The following LAPTM4A variants were observed in gnomAD, a reference collection of about 807,000 sequenced individuals.
LAPTM4A encodes the protein lysosomal-associated transmembrane protein 4A.
Under a neutral mutation model 29.9 loss-of-function variants are expected in LAPTM4A, and 19 were observed. That is an observed-to-expected ratio of 0.64 (90% CI 0.44 to 0.93). The LOEUF (loss-of-function observed/expected upper bound fraction) is 0.93. LAPTM4A is among the 40% of genes least tolerant of loss of function. LAPTM4A has a pLI of 0.00. For missense variants in LAPTM4A, 293 were observed against 288.5 expected (o/e 1.02, Z -0.11); for synonymous variants, 105 against 102.1 (o/e 1.03, Z -0.17).
intron 2 of LAPTM4A, among the ~76,000 whole-genome samples, chr2:20,039,537 T>C (rs1415330840): frequency 6.6e-6 from 1 of 152,026 alleles, no homozygotes. Flanking sequence ...GAGGGTCCCT[T>C]GAAGCCGGGA....
chr2:20,048,978 T>G (rs1673997682), intron 1 of LAPTM4A, among the ~76,000 whole-genome samples: 1 of 152,222 alleles, frequency 6.6e-6, no homozygotes, highest in South Asian at 2.1e-4. Context: ...CTTTTGAAAG[T>G]CATCAACAAA....
At chr2:20,042,438 T>C (rs981812327) in intron 1 of LAPTM4A, among the ~76,000 whole-genome samples, 11 of 152,234 alleles carry the variant, frequency 7.2e-5, no homozygotes, top group Non-Finnish European at 1.5e-5. Context: ...TTCTTGCCTA[T>C]GAAGATTTTC....
At chr2:20,033,731 T>A (rs1317190530) in intron 6 of LAPTM4A, among the ~76,000 whole-genome samples, 2 of 152,186 alleles carry the variant, frequency 1.3e-5, no homozygotes, top group African/African-American at 4.8e-5. Flanking sequence ...TATCATGTCT[T>A]CGAGGGTAAC....
chr2:20,044,299 T>A (rs1264478561), intron 1 of LAPTM4A, among the ~76,000 whole-genome samples: 1 of 152,224 alleles, frequency 6.6e-6, no homozygotes, highest in East Asian at 1.9e-4. Flanking sequence ...GAAATCAGTT[T>A]GAAATCAATT....
intron 1 of LAPTM4A, among the ~76,000 whole-genome samples, chr2:20,046,131 G>C (rs992122470): frequency 6.6e-5 from 10 of 152,114 alleles, no homozygotes; most frequent in Admixed American, 1.3e-4. Flanking sequence ...CTCATAGGTG[G>C]GAACTGAACA....
At chr2:20,038,228 CACCCTGGTATCTATGTTA>C (rs2103496477) in intron 2 of LAPTM4A, among the ~76,000 whole-genome samples, 1 of 152,322 alleles carries the variant, frequency 6.6e-6, no homozygotes, top group East Asian at 1.9e-4. Flanking sequence ...TTGCTTCCTG[CACCCTGGTATCTATGTTA>C]ACACACACTA....
intron 2 of LAPTM4A, among the ~76,000 whole-genome samples, chr2:20,040,369 T>C (rs1673768282): frequency 6.6e-6 from 1 of 152,226 alleles, no homozygotes; most frequent in Non-Finnish European, 1.5e-5. Flanking sequence ...GAAAAACCCA[T>C]CAAAATACTT....
chr2:20,039,964 T>C (rs986700451), intron 2 of LAPTM4A, among the ~76,000 whole-genome samples: 1 of 152,052 alleles, frequency 6.6e-6, no homozygotes, highest in Non-Finnish European at 1.5e-5. Flanking sequence ...GAGAATCGCT[T>C]GAACCCAGGA....
Position 20,037,401 on chromosome 2 carries a change from C to A in LAPTM4A, c.347G>T (p.Arg116Leu). Residue 116 changes from arginine (R) to leucine (L), a missense_variant, in exon 4 of 7, where the codon CGA becomes CTA. Transcript: ENST00000175091. ...GCAACTGAGGACGAAGTCAAAAAGT[C>A]GGTAACAGAAGAATGGAATCAGCCA... ...VGWLIPFFCY[R>L]LFDFVLSCLV... The A allele has an allele frequency of 6.2e-7, 1 of 1,612,158 alleles. No homozygotes were observed. Among genetic ancestry groups the A allele is most frequent in the Admixed American group, 1.7e-5 (1 of 59,582 alleles).
In LAPTM4A at chr2:20,033,098, C is replaced by T; in HGVS notation, c.*107G>A. ...TGAAAATAAATGCTTAAACAAAAGA[C>T]AACATATTTTATATCAAACAAGTTT... On this transcript the variant is annotated 3_prime_UTR_variant, in exon 7 of 7. Coordinates refer to ENST00000175091, the MANE Select transcript of LAPTM4A (RefSeq NM_014713.5). 1 of 896,230 alleles carries T rather than the reference C, an allele frequency of 1.1e-6. No individual in the cohort carries two copies. Among genetic ancestry groups the T allele is most frequent in the Non-Finnish European group, 1.8e-6 (1 of 550,548 alleles). The allele number at this position is 896,230 out of a possible 1,614,324, so 55.5% of individuals were successfully genotyped here.
intron 1 of LAPTM4A, among the ~76,000 whole-genome samples, chr2:20,047,059 T>C (rs1173626022): frequency 1.3e-5 from 2 of 151,834 alleles, no homozygotes; most frequent in Non-Finnish European, 2.9e-5. Flanking sequence ...CTTTTGCAGG[T>C]GCACCGTGAG....
intron 4 of LAPTM4A, among the ~76,000 whole-genome samples, chr2:20,036,462 C>G (rs984678464): frequency 1.3e-5 from 2 of 152,226 alleles, no homozygotes; most frequent in African/African-American, 2.4e-5. Context: ...CTGTCAACTT[C>G]CTGATTCCTT....
intron 1 of LAPTM4A, among the ~76,000 whole-genome samples, chr2:20,048,706 T>C (rs138781163): frequency 2.0e-4 from 30 of 152,328 alleles, no homozygotes; most frequent in Admixed American, 3.9e-4. Flanking sequence ...GACTGAATTA[T>C]TGCCTCACCA....
intron 1 of LAPTM4A, 63 bp downstream of exon 1, chr2:20,051,347 C>A (rs931280767): frequency 5.8e-6 from 6 of 1,037,462 alleles, no homozygotes; most frequent in Non-Finnish European, 8.9e-6. Context: ...AGTCTCACCC[C>A]CTCCGCACCA....
At chr2:20,041,921 T>C (rs112682169) in intron 1 of LAPTM4A, among the ~76,000 whole-genome samples, 1 of 152,354 alleles carries the variant, frequency 6.6e-6, no homozygotes, top group African/African-American at 2.4e-5. Context: ...CTGTGTTCTC[T>C]AGAATAGACA....
chr2:20,051,350 C>T, intron 1 of LAPTM4A, 60 bp downstream of exon 1: 1 of 1,016,978 alleles, frequency 9.8e-7, no homozygotes, highest in Non-Finnish European at 1.5e-6. Context: ...CTCACCCCCT[C>T]CGCACCAGGC....
chr2:20,034,535 T>C (rs909504437), intron 5 of LAPTM4A, 120 bp from the exon 6 acceptor site: 4 of 721,338 alleles, frequency 5.5e-6, no homozygotes, highest in Non-Finnish European at 9.9e-6. Flanking sequence ...AGCTGACCTC[T>C]GTGTGGACCC....
At chr2:20,051,301 C>T (rs1572402497) in intron 1 of LAPTM4A, 109 bp downstream of exon 1, 13 of 738,732 alleles carry the variant, frequency 1.8e-5, no homozygotes, top group Non-Finnish European at 2.6e-5. Flanking sequence ...AAGCAGCGCC[C>T]CTCCAAGTCC....
intron 3 of LAPTM4A, 34 bp downstream of exon 3, chr2:20,037,504 C>A: frequency 6.2e-7 from 1 of 1,601,604 alleles, no homozygotes. Context: ...CCCCTAAGGT[C>A]AAACTCTAAA....
Sources: gnomAD v4.1 joint callset for allele counts (sites outside exome capture counted in the v4.1 genomes callset) on GRCh38, gnomAD v4.1.1 for gene constraint, MANE v1.5 for transcripts, NCBI Gene and HGNC (gene_info 2026-07-23, HGNC 2026-07-21) for gene names.